Variants in ATAD5 observed in about 807,000 individuals in gnomAD.
The protein encoded by ATAD5 is ATPase family AAA domain containing 5.
A neutral mutation model predicts 176.9 loss-of-function variants in ATAD5; 58 were observed. The ratio of observed to expected loss-of-function variants is 0.33; its 90% CI spans 0.27 to 0.41. The LOEUF (loss-of-function observed/expected upper bound fraction) is 0.41, where lower values mean the gene tolerates loss of function less well. ATAD5 is among the 10% of genes least tolerant of loss of function. The pLI, the probability that ATAD5 is intolerant of heterozygous loss-of-function variation, is 1.00. For missense variants in ATAD5, 1,789 were observed against 2,094.1 expected (o/e 0.85, Z 2.84); for synonymous variants, 640 against 712.6 (o/e 0.90, Z 1.62).
intron 11 of ATAD5, among the ~76,000 whole-genome samples, chr17:30,866,531 A>T (rs1907993499): frequency 6.8e-6 from 1 of 147,530 alleles, no homozygotes; most frequent in Non-Finnish European, 1.5e-5. Flanking sequence ...ATATTAAGTG[A>T]TGGCCCAGTG....
At chr17:30,867,826 AATTCCTGGGCTGAAGCAATTCACCTGCC>A (rs1480228779) in intron 11 of ATAD5, among the ~76,000 whole-genome samples, 4 of 152,146 alleles carry the variant, frequency 2.6e-5, no homozygotes, top group Non-Finnish European at 1.5e-5. Context: ...GCTGGTTGCA[AATTCCTGGGCTGAAGCAATTCACCTGCC>A]TCCGCCTTCC....
chr17:30,894,375 A>G (rs1441465188), intron 21 of ATAD5, among the ~76,000 whole-genome samples, 189 bp from the exon 22 acceptor site: 3 of 151,934 alleles, frequency 2.0e-5, no homozygotes, highest in Non-Finnish European at 4.4e-5. Context: ...TGACCCAGGA[A>G]GGAGTTTGGT....
intron 12 of ATAD5, among the ~76,000 whole-genome samples, chr17:30,868,849 C>CT (rs568729653): frequency 0.05 from 6,633 of 131,660 alleles, 578 homozygotes; most frequent in African/African-American, 0.17. Context: ...TGATTTTCTA[C>CT]TTTTTTTTTT....
Position 30,852,557 on chromosome 17 carries a change from G to A in ATAD5, c.2451-2586G>A, listed in dbSNP as rs183063175. 3.3e-5 allele frequency among the ~76,000 whole-genome samples: 5 copies of A among 152,194 alleles called. No homozygotes were observed. In the East Asian group the frequency reaches 9.6e-4, roughly 29 times the overall value. Reference sequence around the variant, plus strand: ...TCCCATAAACGAATACCTAAGACTCGGTAATTTATAGAGAAAAAGAGGTTT... The same window carrying A: ...TCCCATAAACGAATACCTAAGACTCAGTAATTTATAGAGAAAAAGAGGTTT... On this transcript the variant is annotated intron_variant, in intron 6 of 22. Coordinates refer to ENST00000321990, the MANE Select transcript of ATAD5 (RefSeq NM_024857.5).
intron 7 of ATAD5, among the ~76,000 whole-genome samples, chr17:30,856,071 T>C (rs2142361851): frequency 6.6e-6 from 1 of 152,350 alleles, no homozygotes; most frequent in East Asian, 1.9e-4. Flanking sequence ...TATGCTTTTC[T>C]TGACTCATTT....
chr17:30,894,252 G>A, intron 21 of ATAD5, 102 bp downstream of exon 21: 1 of 1,051,682 alleles, frequency 9.5e-7, no homozygotes, highest in Non-Finnish European at 1.3e-6. Context: ...TATTGATCAT[G>A]GTAAGCCCTT....
intron 18 of ATAD5, among the ~76,000 whole-genome samples, chr17:30,886,376 ATTT>A (rs1909323754): frequency 1.3e-5 from 1 of 75,398 alleles, no homozygotes; most frequent in African/African-American, 1.0e-4. Context: ...GAATTATTTT[ATTT>A]ATTTATTTAT....
At chr17:30,878,906 AT>A (rs1908845217) in intron 17 of ATAD5, among the ~76,000 whole-genome samples, 1 of 151,512 alleles carries the variant, frequency 6.6e-6, no homozygotes, top group African/African-American at 2.4e-5. Flanking sequence ...TAATTTTTGT[AT>A]TTTTAGTAGA....
intron 5 of ATAD5, among the ~76,000 whole-genome samples, chr17:30,844,552 T>A (rs1352054977): frequency 2.4e-5 from 1 of 41,302 alleles, no homozygotes; most frequent in Non-Finnish European, 4.2e-5. Context: ...AGAGTTTTTC[T>A]TTTTTTTTTT....
chr17:30,874,433 C>T (rs1431206316), intron 14 of ATAD5, among the ~76,000 whole-genome samples: 5 of 131,634 alleles, frequency 3.8e-5, no homozygotes, highest in African/African-American at 8.5e-5. Flanking sequence ...CCCAGCTACT[C>T]GGGAGGCTGA....
chr17:30,892,624 G>A lies in ATAD5; in HGVS notation c.4276G>A (p.Val1426Ile). 1 of 1,559,582 alleles carries A rather than the reference G, an allele frequency of 6.4e-7. No individual in the cohort carries two copies. Among genetic ancestry groups the A allele is most frequent in the Non-Finnish European group, 8.6e-7 (1 of 1,159,596 alleles). ...TTTTGTAGGTGGAAATAGCAGAAATGTACAACTAGTTTGCTCTGAACATGG... is the reference window on the plus strand; with the variant it reads ...TTTTGTAGGTGGAAATAGCAGAAATATACAACTAGTTTGCTCTGAACATGG... ...LTLYRGNSRN[V>I]QLVCSEHGLD... Residue 1426 changes from valine (V) to isoleucine (I), a missense_variant, in exon 20 of 23, where the codon GTA becomes ATA. Physicochemically the swap from Val to Ile is conservative, Grantham distance 29 (BLOSUM62 3). Transcript: ENST00000321990.
chr17:30,884,388 TAC>T (rs1173925909), intron 18 of ATAD5, among the ~76,000 whole-genome samples: 1 of 151,430 alleles, frequency 6.6e-6, no homozygotes, highest in Non-Finnish European at 1.5e-5. Context: ...GTATATAGCT[TAC>T]AGTGTTTTAC....
At position 30,869,378 on chromosome 17, in the gene ATAD5, G is replaced by A; in HGVS notation, c.3444G>A (p.Glu1148=). The A allele has an allele frequency of 6.2e-7, 1 of 1,613,074 alleles. No individual in the cohort carries two copies. Among genetic ancestry groups the A allele is most frequent in the Non-Finnish European group, 8.5e-7 (1 of 1,179,794 alleles). The change falls in exon 13 of 23, where the codon GAG becomes GAA. Residue 1148 remains glutamate, a synonymous_variant. Coordinates refer to ENST00000321990, the MANE Select transcript of ATAD5 (RefSeq NM_024857.5). ...CTGCAGTGTATGCTTGTGCCCAGGA[G>A]CTTGGATTTAAGGTTAGTAACAGCT... ...KTAAVYACAQ[E]LGFKIFEVNA...
At chr17:30,868,260 T>C in intron 11 of ATAD5, 73 bp from the exon 12 acceptor site, 2 of 1,252,962 alleles carry the variant, frequency 1.6e-6, no homozygotes, top group South Asian at 1.9e-5. Flanking sequence ...CTTCCCCCGA[T>C]AATCATTTTA....
intron 19 of ATAD5, among the ~76,000 whole-genome samples, chr17:30,887,655 T>A (rs1393461930): frequency 6.6e-6 from 1 of 151,646 alleles, no homozygotes; most frequent in Admixed American, 6.6e-5. Context: ...ACAAAAAAAA[T>A]TTGCAAAAAT....
chr17:30,843,844 A>G (rs1906294147), intron 4 of ATAD5, 69 bp from the exon 5 acceptor site: 1 of 943,588 alleles, frequency 1.1e-6, no homozygotes, highest in African/African-American at 1.7e-5. Context: ...TATCACTGTG[A>G]TTCTTTTGAA....
chr17:30,874,928 C>G (rs1317256763), intron 14 of ATAD5, among the ~76,000 whole-genome samples: 2 of 151,990 alleles, frequency 1.3e-5, no homozygotes, highest in Non-Finnish European at 2.9e-5. Flanking sequence ...TGTGCCCTGC[C>G]AAATATTTTT....
rs1203242710 is a variant in ATAD5, at chr17:30,876,247, T to C, written c.3608-127T>C. The C allele has an allele frequency of 1.6e-5, 12 of 740,856 alleles. No individual in the cohort carries two copies. In the East Asian group the frequency reaches 3.7e-4, roughly 23 times the overall value. 45.9% of individuals were successfully genotyped at this position (740,856 alleles called of 1,614,324 possible). The stretch of plus-strand genomic sequence containing the variant: ...TGGATGTACATAGTATTTTTAAGAA[T>C]GAAAGAAAATTTCTGTGTCTTTGAT... On this transcript the variant is annotated intron_variant, in intron 14 of 22. Coordinates refer to ENST00000321990, the MANE Select transcript of ATAD5 (RefSeq NM_024857.5).
rs773050311 is a variant in ATAD5 at position 30,893,751 on chromosome 17, C to T, written c.4898C>T (p.Thr1633Ile). Reference sequence around the variant, plus strand: ...TCTATTCCTTGTCCTCCTAAAACAACTGCAGGAAAAAAATGTTCTGCCCTT... The same window carrying T: ...TCTATTCCTTGTCCTCCTAAAACAATTGCAGGAAAAAAATGTTCTGCCCTT... ...KKSIPCPPKT[T>I]AGKKCSALVS... is the part of the protein sequence containing the mutation. The change falls in exon 21 of 23, where the codon ACT (threonine) becomes ATT (isoleucine). Residue 1633 changes from threonine (T) to isoleucine (I), a missense_variant. Physicochemically the swap from Thr to Ile is moderately conservative, Grantham distance 89. Coordinates refer to ENST00000321990, the MANE Select transcript of ATAD5 (RefSeq NM_024857.5). The T allele has an allele frequency of 6.2e-7, 1 of 1,614,046 alleles. No homozygotes were observed. Among genetic ancestry groups the T allele is most frequent in the Non-Finnish European group, 8.5e-7 (1 of 1,179,960 alleles).
Sources: gnomAD v4.1 joint callset for allele counts (sites outside exome capture counted in the v4.1 genomes callset) on GRCh38, gnomAD v4.1.1 for gene constraint, MANE v1.5 for transcripts, NCBI Gene and HGNC (gene_info 2026-07-23, HGNC 2026-07-21) for gene names.